Variants in OSR1 observed in about 807,000 individuals in gnomAD.
The protein encoded by OSR1 is protein odd-skipped-related 1.
Under a neutral mutation model 15.7 loss-of-function variants are expected in OSR1, and 3 were observed. That is an observed-to-expected ratio of 0.19 (90% CI 0.09 to 0.50). OSR1 has a LOEUF of 0.50. Among genes scored for constraint, OSR1 ranks in the 20% least tolerant of loss-of-function variants. OSR1 has a pLI of 0.97. For synonymous variants in OSR1, 166 were observed against 152.7 expected (o/e 1.09, Z -0.64); for missense variants, 271 against 351.1 (o/e 0.77, Z 1.82).
At chr2:19,356,968 A>C in intron 1 of OSR1, 1 of 152,268 alleles carries the variant, frequency 6.6e-6, no homozygotes, top group East Asian at 1.9e-4. Context: ...GGGGGAGCCC[A>C]GCAGCAACCC....
intron 1 of OSR1, 132 bp from the exon 2 acceptor site, chr2:19,353,969 C>A (rs1572260366): frequency 1.3e-6 from 1 of 749,730 alleles, no homozygotes; most frequent in Non-Finnish European, 2.1e-6. Flanking sequence ...GTCTAAGACC[C>A]CATTCCCAAA....
Position 19,353,702 on chromosome 2 carries a change from G to C in OSR1, c.104C>G (p.Ser35Trp). ...ACCATACAGGTTGGGCAGATGGTCCGAAGGCACTGTGGGCAGGCCGTTCAC... is the reference window on the plus strand; with the variant it reads ...ACCATACAGGTTGGGCAGATGGTCCCAAGGCACTGTGGGCAGGCCGTTCAC... The part of the protein sequence containing the change: ...QAVNGLPTVP[S>W]DHLPNLYGFS... Residue 35 changes from serine (S) to tryptophan (W), a missense_variant, in exon 2 of 3, where the codon TCG (serine) becomes TGG (tryptophan). Ser to Trp is a radical substitution (Grantham distance 177, BLOSUM62 -3). This residue lies in a region of OSR1 where 210 missense variants were observed against 218.4 expected (regional missense o/e 0.96). Coordinates refer to ENST00000272223, the MANE Select transcript of OSR1 (RefSeq NM_145260.3). The C allele has an allele frequency of 1.2e-6, 2 of 1,614,176 alleles. No homozygotes were observed. Among genetic ancestry groups the C allele is most frequent in the African/African-American group, 1.3e-5 (1 of 75,062 alleles).
At chr2:19,351,389 G>T (rs1051914921), downstream of OSR1, 11 of 152,564 alleles carry the variant, frequency 7.2e-5, no homozygotes, top group African/African-American at 2.7e-4. Context: ...GTGGTAGGAG[G>T]GGGACACGCT....
At chr2:19,358,073 C>T (rs1286450260) in intron 1 of OSR1, 1 of 152,314 alleles carries the variant, frequency 6.6e-6, no homozygotes, top group Admixed American at 6.5e-5. Context: ...CGTGATTCCG[C>T]AGAGCCGGGC....
chr2:19,353,462 G>A lies in OSR1; in HGVS notation c.344C>T (p.Pro115Leu). The A allele has an allele frequency of 6.2e-7, 1 of 1,614,006 alleles. No individual in the cohort carries two copies. Among genetic ancestry groups the A allele is most frequent in the Non-Finnish European group, 8.5e-7 (1 of 1,179,848 alleles). Reference sequence around the variant, plus strand: ...GGCCAGGTTGGCAAAATCAAAGCGCGGCTTGGTCTTGAGCGCTGGAACGCT... The same window carrying A: ...GGCCAGGTTGGCAAAATCAAAGCGCAGCTTGGTCTTGAGCGCTGGAACGCT... ...GGSVPALKTK[P>L]RFDFANLALA... Residue 115 changes from proline to leucine, a missense_variant, in exon 2 of 3, where the codon CCG (proline) becomes CTG (leucine). Pro to Leu is a moderately conservative substitution (Grantham distance 98). Around this residue, in one of 4 missense-constraint regions of OSR1, gnomAD observed 210 missense variants for 218.4 expected, o/e 0.96. Coordinates refer to ENST00000272223, the MANE Select transcript of OSR1 (RefSeq NM_145260.3).
At chr2:19,352,520 T>A in intron 2 of OSR1, 110 bp from the exon 3 acceptor site, 10 of 1,309,916 alleles carry the variant, frequency 7.6e-6, no homozygotes, top group Non-Finnish European at 1.1e-5. Flanking sequence ...AGGAAAAGTG[T>A]ATAGTCAGGT....
At chr2:19,354,868 G>C (rs1268149835) in intron 1 of OSR1, 1 of 152,238 alleles carries the variant, frequency 6.6e-6, no homozygotes, top group Non-Finnish European at 1.5e-5. Context: ...TATGCCTATG[G>C]GCAAGAACAC....
chr2:19,352,238 C>T lies in OSR1; in HGVS notation c.*37G>A, dbSNP rs181736227. On this transcript the variant is annotated 3_prime_UTR_variant, in exon 3 of 3. Transcript: ENST00000272223. ...TTCTGGTCCCTATGGAGGAGAGGGCCGCTGGGCCTAGGGTCCTTGTGACCC... is the reference window on the plus strand; with the variant it reads ...TTCTGGTCCCTATGGAGGAGAGGGCTGCTGGGCCTAGGGTCCTTGTGACCC... 144 of 1,609,914 alleles carry T rather than the reference C, an allele frequency of 8.9e-5. 1 individual carries two copies. The East Asian group carries it at 1.5e-3, about 17-fold the overall frequency.
intron 1 of OSR1, chr2:19,354,475 G>A (rs1664910986): frequency 6.6e-6 from 1 of 151,558 alleles, no homozygotes; most frequent in Admixed American, 6.6e-5. Context: ...ACATACACAG[G>A]CGCACAAATG....
Position 19,352,247 on chromosome 2 carries a change from T to G in OSR1, c.*28A>C. The G allele has an allele frequency of 6.2e-7, 1 of 1,613,032 alleles. No homozygotes were observed. The highest frequency in any genetic ancestry group is 8.5e-7 in the Non-Finnish European group (1 of 1,179,252). ...CTATGGAGGAGAGGGCCGCTGGGCC[T>G]AGGGTCCTTGTGACCCACAGGTTCT... is the stretch of plus-strand genomic sequence containing the variant. On this transcript the variant is annotated 3_prime_UTR_variant, in exon 3 of 3. Transcript: ENST00000272223.
chr2:19,348,309 CGCGGG>C (rs1225373902), downstream of OSR1: 3 of 151,738 alleles, frequency 2.0e-5, no homozygotes, highest in South Asian at 2.0e-4. Context: ...TGGGCCGATT[CGCGGG>C]GCGGGGCGGG....
At chr2:19,346,213 A>C in the OSR1 span, among the ~76,000 whole-genome samples, 1 of 152,238 alleles carries the variant, frequency 6.6e-6, no homozygotes, top group African/African-American at 2.4e-5. Context: ...TGCTGATGAG[A>C]GCCAACTCAG....
chr2:19,353,617 G>A lies in OSR1; in HGVS notation c.189C>T (p.His63=), dbSNP rs1192004033. Reference sequence around the variant, plus strand: ...CTTTGGAGAAAGAAGAGCGCGGCAAGTGCATGGCCGGGTAGCCCAGCGTCC... The same window carrying A: ...CTTTGGAGAAAGAAGAGCGCGGCAAATGCATGGCCGGGTAGCCCAGCGTCC... The part of the protein sequence containing the change: ...HQWTLGYPAM[H]LPRSSFSKVP... The change falls in exon 2 of 3, where the codon CAC becomes CAT. Residue 63 remains histidine, a synonymous_variant. Coordinates refer to ENST00000272223, the MANE Select transcript of OSR1 (RefSeq NM_145260.3). 3 of 1,614,272 alleles carry A rather than the reference G, an allele frequency of 1.9e-6. No individual in the cohort carries two copies. The highest frequency in any genetic ancestry group is 1.6e-4 in the Middle Eastern group (1 of 6,062).
In OSR1 at chr2:19,353,795, T is replaced by G; in HGVS notation, c.11A>C (p.Lys4Thr). 1 of 1,610,126 alleles carries G rather than the reference T, an allele frequency of 6.2e-7. No homozygotes were observed. The highest frequency in any genetic ancestry group is 8.5e-7 in the Non-Finnish European group (1 of 1,177,570). Residue 4 changes from lysine to threonine, a missense_variant, in exon 2 of 3, where the codon AAA becomes ACA. Transcript: ENST00000272223. MGS[K>T]TLPAPVPIHP... The stretch of plus-strand genomic sequence containing the variant: ...GATAGGCACCGGCGCCGGCAAGGTT[T>G]TGCTGCCCATTTCGGTAGTTGCAGT...
chr2:19,352,323 C>A lies in OSR1; in HGVS notation c.753G>T (p.Thr251=). The change falls in exon 3 of 3, where the codon ACG becomes ACT. Residue 251 remains threonine, a synonymous_variant. Transcript: ENST00000272223. ...TGAGCTCCTTCACCTGTGAGTGTAGCGTCTTGTGGACAGCGAGAGTCCTGG... is the reference window on the plus strand; with the variant it reads ...TGAGCTCCTTCACCTGTGAGTGTAGAGTCTTGTGGACAGCGAGAGTCCTGG... ...CQSRTLAVHK[T]LHSQVKELKT... is the part of the protein sequence containing the mutation. 2 of 1,614,188 alleles carry A rather than the reference C, an allele frequency of 1.2e-6. No homozygotes were observed. Among genetic ancestry groups the A allele is most frequent in the Non-Finnish European group, 1.7e-6 (2 of 1,179,996 alleles).
chr2:19,355,982 G>C (rs1385390984), intron 1 of OSR1: 1 of 152,334 alleles, frequency 6.6e-6, no homozygotes, highest in South Asian at 2.1e-4. Flanking sequence ...TTGAATTGCT[G>C]TCACCTCTTC....
At chr2:19,356,996 C>T (rs927066126) in intron 1 of OSR1, 1 of 152,256 alleles carries the variant, frequency 6.6e-6, no homozygotes, top group African/African-American at 2.4e-5. Flanking sequence ...TCAGCCTTGA[C>T]ATCGAATCTC....
Position 19,352,163 on chromosome 2 carries a change from G to C in OSR1, c.*112C>G. 8.0e-7 allele frequency: 1 copy of C among 1,257,404 alleles called. No homozygotes were observed. Among genetic ancestry groups the C allele is most frequent in the East Asian group, 2.4e-5 (1 of 40,968 alleles). 77.9% of individuals were successfully genotyped at this position (1,257,404 alleles called of 1,614,324 possible). The stretch of plus-strand genomic sequence containing the variant: ...GGGACCCAGGGGACAATGTTGGAGA[G>C]GTGGAAGGTCCCGAGCGAGCGCCTC... On this transcript the variant is annotated 3_prime_UTR_variant, in exon 3 of 3. Coordinates refer to ENST00000272223, the MANE Select transcript of OSR1 (RefSeq NM_145260.3).
chr2:19,353,822 G>A lies in OSR1; in HGVS notation c.-17C>T. 6.2e-7 allele frequency: 1 copy of A among 1,600,006 alleles called. No individual in the cohort carries two copies. The highest frequency in any genetic ancestry group is 1.7e-5 in the Admixed American group (1 of 58,208). ...GCTGCCCATTTCGGTAGTTGCAGTG[G>A]CTTCTCAATCCGGATCTGCAAAGAA... On this transcript the variant is annotated 5_prime_UTR_variant, in exon 2 of 3. Coordinates refer to ENST00000272223, the MANE Select transcript of OSR1 (RefSeq NM_145260.3).
Sources: gnomAD v4.1 joint callset for allele counts (sites outside exome capture counted in the v4.1 genomes callset) on GRCh38, gnomAD v4.1.1 for gene constraint, gnomAD v4.1.1 regional missense constraint, MANE v1.5 for transcripts, NCBI Gene and HGNC (gene_info 2026-07-23, HGNC 2026-07-21) for gene names.